ADAM18: variants seen among roughly 807,000 people sequenced by gnomAD.
The protein encoded by ADAM18 is ADAM metallopeptidase domain 18.
Under a neutral mutation model 94.4 loss-of-function variants are expected in ADAM18, and 117 were observed. The observed-to-expected ratio is 1.24, with a 90% confidence interval of 1.07 to 1.45. The LOEUF is 1.45. Among genes scored for constraint, ADAM18 ranks in the 40% most tolerant of loss-of-function variants. The pLI, the probability that ADAM18 is intolerant of heterozygous loss-of-function variation, is 0.00. For synonymous variants in ADAM18, 327 were observed against 291.6 expected (o/e 1.12, Z -1.24); for missense variants, 936 against 880.0 (o/e 1.06, Z -0.81).
intron 17 of ADAM18, among the ~76,000 whole-genome samples, chr8:39,695,531 T>A (rs1056918031): frequency 6.6e-6 from 1 of 151,392 alleles, no homozygotes. Flanking sequence ...AATATGTATA[T>A]CTTCTATGAT....
chr8:39,723,922 G>T lies in ADAM18; in HGVS notation c.2177+15G>T. Reference sequence around the variant, plus strand: ...GAGTATAATCGGTAAATATGATATAGAATCAATGTATTAGGTTTAATTATC... The same window carrying T: ...GAGTATAATCGGTAAATATGATATATAATCAATGTATTAGGTTTAATTATC... On this transcript the variant is annotated intron_variant, in intron 19 of 19. Coordinates refer to ENST00000265707, the MANE Select transcript of ADAM18 (RefSeq NM_014237.3). 7.1e-7 allele frequency: 1 copy of T among 1,403,030 alleles called. No individual in the cohort carries two copies. 86.9% of individuals were successfully genotyped at this position (1,403,030 alleles called of 1,614,324 possible).
intron 16 of ADAM18, among the ~76,000 whole-genome samples, chr8:39,681,408 A>G (rs1044403191): frequency 6.6e-6 from 1 of 152,206 alleles, no homozygotes; most frequent in African/African-American, 2.4e-5. Context: ...CCTTGATTTC[A>G]GCTTGTAAGA....
chr8:39,729,537 A>G (rs893233662), intron 19 of ADAM18, among the ~76,000 whole-genome samples: 1 of 152,154 alleles, frequency 6.6e-6, no homozygotes, highest in Non-Finnish European at 1.5e-5. Flanking sequence ...CTAAGAAACA[A>G]AGTGTATAAA....
intron 17 of ADAM18, among the ~76,000 whole-genome samples, chr8:39,700,780 T>G (rs1332555726): frequency 6.6e-6 from 1 of 152,078 alleles, no homozygotes; most frequent in Admixed American, 6.6e-5. Context: ...GACCTGCTGT[T>G]CATATAAGAC....
At chr8:39,709,249 G>C (rs1466498205) in intron 18 of ADAM18, among the ~76,000 whole-genome samples, 2 of 152,184 alleles carry the variant, frequency 1.3e-5, no homozygotes, top group Non-Finnish European at 2.9e-5. Context: ...TTGAAGTCCA[G>C]CCATCTCCAG....
chr8:39,670,123 A>G (rs1018860630), intron 14 of ADAM18, among the ~76,000 whole-genome samples: 6 of 152,012 alleles, frequency 3.9e-5, no homozygotes, highest in African/African-American at 7.2e-5. Context: ...CTTTTGAGAA[A>G]TGTCTGTTCA....
At chr8:39,677,195 G>C (rs893491598) in intron 14 of ADAM18, among the ~76,000 whole-genome samples, 3 of 152,248 alleles carry the variant, frequency 2.0e-5, no homozygotes, top group Middle Eastern at 3.4e-3. Flanking sequence ...CCACCAGAAA[G>C]AGAAACATAT....
chr8:39,619,611 T>C (rs1765309599), intron 6 of ADAM18, among the ~76,000 whole-genome samples: 1 of 152,016 alleles, frequency 6.6e-6, no homozygotes. Flanking sequence ...ACCTATCTGA[T>C]AAAGAATTCA....
At chr8:39,641,530 T>C (rs1464054478) in intron 10 of ADAM18, among the ~76,000 whole-genome samples, 1 of 152,020 alleles carries the variant, frequency 6.6e-6, no homozygotes, top group African/African-American at 2.4e-5. Context: ...TGTTGTTCCA[T>C]GTGTCTAGGT....
chr8:39,643,993 A>T (rs1820308437), intron 10 of ADAM18, among the ~76,000 whole-genome samples: 1 of 151,974 alleles, frequency 6.6e-6, no homozygotes, highest in South Asian at 2.1e-4. Context: ...ATTACAGGAT[A>T]ATAGGAAAGG....
At chr8:39,591,516 C>T (rs747753656) in intron 2 of ADAM18, among the ~76,000 whole-genome samples, 5 of 152,172 alleles carry the variant, frequency 3.3e-5, no homozygotes, top group Non-Finnish European at 4.4e-5. Context: ...TGAGAAGTAA[C>T]TCCTCATCGA....
rs1563321339 is a variant in ADAM18 at position 39,722,210 on chromosome 8, TGTGTGTG to T, written c.2018-1537_2018-1531del. Among the ~76,000 whole-genome samples the T allele has an allele frequency of 4.3e-3, 310 of 72,854 alleles. 5 individuals are homozygous for T. The highest frequency in any genetic ancestry group is 0.025 in the African/African-American group (296 of 12,062). The allele number at this position is 72,854 out of a possible 152,430, so 47.8% of individuals were successfully genotyped here. A position where few individuals can be genotyped will look rare whatever the true frequency, so the allele number is the denominator to read the frequency against. On this transcript the variant is annotated intron_variant, in intron 18 of 19. Coordinates refer to ENST00000265707, the MANE Select transcript of ADAM18 (RefSeq NM_014237.3). ...TATACCGTGTGTGTGTGTGTGTGTG[TGTGTGTG>T]TATATATATATATATATATATATAT...
intron 9 of ADAM18, 124 bp downstream of exon 9, chr8:39,637,827 C>G (rs1820128192): frequency 1.2e-6 from 1 of 813,130 alleles, no homozygotes; most frequent in Non-Finnish European, 1.8e-6. Context: ...AAATTAGTAG[C>G]CTTTGTCATA....
intron 12 of ADAM18, among the ~76,000 whole-genome samples, chr8:39,652,436 G>A (rs1490251043): frequency 6.6e-6 from 1 of 152,126 alleles, no homozygotes; most frequent in Non-Finnish European, 1.5e-5. Context: ...ACAGGTATAT[G>A]AAAATATGCT....
chr8:39,706,809 A>G lies in ADAM18; in HGVS notation c.1922A>G (p.Asn641Ser), dbSNP rs756578524. ...KGKGICNNFG[N>S]CQCFPGHRPP... ...TTTCAGATATGTAATAATTTTGGTA[A>G]TTGTCAATGCTTCCCTGGACATAGA... The change falls in exon 18 of 20, where the codon AAT becomes AGT. Residue 641 changes from asparagine to serine, a missense_variant. By Grantham distance (46) the Asn-to-Ser change is conservative (BLOSUM62 1). Transcript: ENST00000265707. 1.2e-6 allele frequency: 2 copies of G among 1,605,230 alleles called. No homozygotes were observed. The highest frequency in any genetic ancestry group is 2.2e-5 in the South Asian group (2 of 90,372).
In ADAM18 at chr8:39,720,386, T is replaced by C. The variant is rs543755257; in HGVS notation, c.2018-3362T>C. On this transcript the variant is annotated intron_variant, in intron 18 of 19. Transcript: ENST00000265707. ...ATATGCATTGTTTGCATTTTTATGG[T>C]TTCATGGCGGTACACAAATAACAAA... Among the ~76,000 whole-genome samples, 18 of 151,510 alleles carry C rather than the reference T, an allele frequency of 1.2e-4. No individual in the cohort carries two copies. In the East Asian group the frequency reaches 3.3e-3, roughly 28 times the overall value.
intron 12 of ADAM18, among the ~76,000 whole-genome samples, chr8:39,658,856 T>C (rs945260034): frequency 6.6e-6 from 1 of 152,184 alleles, no homozygotes; most frequent in Non-Finnish European, 1.5e-5. Flanking sequence ...CCCCTCTTCA[T>C]TATAACCTGA....
intron 18 of ADAM18, among the ~76,000 whole-genome samples, chr8:39,710,398 T>C (rs1194726189): frequency 2.0e-5 from 3 of 152,188 alleles, no homozygotes; most frequent in Non-Finnish European, 4.4e-5. Context: ...AGAAAGAATG[T>C]ACAGAAAAGA....
At chr8:39,637,406 C>A in intron 8 of ADAM18, 71 bp downstream of exon 8, 1 of 1,471,456 alleles carries the variant, frequency 6.8e-7, no homozygotes, top group Non-Finnish European at 9.3e-7. Flanking sequence ...TCTATCTTGG[C>A]CAATGAATAA....
Sources: allele counts gnomAD v4.1 joint callset (sites outside exome capture counted in the v4.1 genomes callset), GRCh38; gene constraint gnomAD v4.1.1; transcripts MANE v1.5; gene names NCBI Gene and HGNC (gene_info 2026-07-23, HGNC 2026-07-21).